RELL1: variants seen among roughly 807,000 people sequenced by gnomAD.
RELL1 encodes RELT like 1.
RELL1 carries 10 observed loss-of-function variants against 23.0 expected under a neutral mutation model. That is an observed-to-expected ratio of 0.43 (90% confidence interval 0.27 to 0.74). The LOEUF (loss-of-function observed/expected upper bound fraction) is 0.74, where lower values mean the gene tolerates loss of function less well. Among genes scored for constraint, RELL1 ranks in the 30% least tolerant of loss-of-function variants. The pLI, the probability that RELL1 is intolerant of heterozygous loss-of-function variation, is 0.19. For synonymous variants in RELL1, 146 were observed against 146.8 expected, an observed-to-expected ratio of 0.99 and a Z score of 0.04; for missense variants, 315 against 364.4, an observed-to-expected ratio of 0.86 and a Z score of 1.10.
Position 37,685,796 on chromosome 4 carries a change from G to T in RELL1, c.88+404C>A, listed in dbSNP as rs546702596. ...AGAAGGAGGCGCCGACAGCGCACCC[G>T]GTGCTCTGTGTCACGATCTTCCGCT... On this transcript the variant is annotated intron_variant, in intron 1 of 6. Coordinates refer to ENST00000454158, the MANE Select transcript of RELL1 (RefSeq NM_001085400.2). Among the ~76,000 whole-genome samples, 9 of 152,360 alleles carry T rather than the reference G, an allele frequency of 5.9e-5. No homozygotes were observed. In the South Asian group the frequency reaches 1.7e-3, roughly 28 times the overall value.
rs56999406 is a variant in RELL1 at position 37,665,607 on chromosome 4, C to G, written c.89-16107G>C. ...ATGTATATTCCTTGCAAGAGGCCAA[C>G]CAAGAACTAGGTTAGAAATTATTTA... On this transcript the variant is annotated intron_variant, in intron 1 of 6. Transcript: ENST00000454158. Among the ~76,000 whole-genome samples, 1,239 of 152,246 alleles carry G rather than the reference C, an allele frequency of 8.1e-3. 23 individuals are homozygous for G. Among genetic ancestry groups the G allele is most frequent in the African/African-American group, 0.028 (1,178 of 41,520 alleles).
intron 5 of RELL1, among the ~76,000 whole-genome samples, chr4:37,633,208 AG>A (rs1426590515): frequency 6.6e-6 from 1 of 152,102 alleles, no homozygotes; most frequent in African/African-American, 2.4e-5. Flanking sequence ...CAGGAGTTCG[AG>A]ACCAGCCTGG....
intron 6 of RELL1, among the ~76,000 whole-genome samples, chr4:37,596,877 T>C (rs1229469578): frequency 1.3e-5 from 2 of 148,776 alleles, no homozygotes; most frequent in Admixed American, 1.4e-4. Flanking sequence ...GCCTCCCACG[T>C]AGCTGGAATT....
Position 37,642,329 on chromosome 4 carries a change from G to A in RELL1, c.386-3825C>T, listed in dbSNP as rs1276279952. 2.0e-5 allele frequency among the ~76,000 whole-genome samples: 3 copies of A among 152,194 alleles called. No individual in the cohort carries two copies. In the East Asian group the frequency reaches 5.8e-4, roughly 29 times the overall value. On this transcript the variant is annotated intron_variant, in intron 3 of 6. Transcript: ENST00000454158. ...TACTCCCTGCAATTTTTACTAAGCAGCCAGTTCAAGGGCCTAGCAGAGGAA... is the reference window on the plus strand; with the variant it reads ...TACTCCCTGCAATTTTTACTAAGCAACCAGTTCAAGGGCCTAGCAGAGGAA...
intron 6 of RELL1, among the ~76,000 whole-genome samples, chr4:37,596,765 T>TTTTTTTTTTTTG (rs1718873924): frequency 9.2e-6 from 1 of 109,128 alleles, no homozygotes; most frequent in Non-Finnish European, 1.8e-5. Flanking sequence ...TTTTTTTTTT[T>TTTTTTTTTTTTG]GAGATGGAGA....
intron 6 of RELL1, among the ~76,000 whole-genome samples, chr4:37,602,001 C>T (rs1373174526): frequency 6.6e-6 from 1 of 151,978 alleles, no homozygotes; most frequent in East Asian, 1.9e-4. Context: ...ATCGTTTGAG[C>T]TCAGGAGTTC....
chr4:37,640,360 A>G (rs945309448), intron 3 of RELL1, among the ~76,000 whole-genome samples: 14 of 152,248 alleles, frequency 9.2e-5, no homozygotes, highest in East Asian at 5.8e-4. Flanking sequence ...TCCCTCTGTA[A>G]AACACATTTA....
At chr4:37,632,978 G>A (rs1385617974) in intron 5 of RELL1, among the ~76,000 whole-genome samples, 2 of 152,110 alleles carry the variant, frequency 1.3e-5, no homozygotes, top group South Asian at 4.1e-4. Context: ...GAAATAACAG[G>A]GAAACTGTAA....
chr4:37,683,395 A>G (rs1560364294), intron 1 of RELL1, among the ~76,000 whole-genome samples: 1 of 152,242 alleles, frequency 6.6e-6, no homozygotes, highest in South Asian at 2.1e-4. Flanking sequence ...CCAGTTGTTT[A>G]ACCTCTCTTG....
rs1380021924 is a variant in RELL1, at chr4:37,631,387, G to GCTA, written c.814_816dup. ...ATGTCACCAAAACCACGGCTCACCTGCTACTCTGTGCCACTGCGTTCTCTC... is the reference window on the plus strand; with the variant it reads ...ATGTCACCAAAACCACGGCTCACCTGCTACTACTCTGTGCCACTGCGTTCTCTC... On this transcript the variant is annotated 3_prime_UTR_variant, in exon 6 of 7. Coordinates refer to ENST00000454158, the MANE Select transcript of RELL1 (RefSeq NM_001085400.2). The GCTA allele has an allele frequency of 5.6e-6, 9 of 1,612,648 alleles. No homozygotes were observed. In the African/African-American group the frequency reaches 1.2e-4, roughly 22 times the overall value.
rs1560324122 is a variant in RELL1 at position 37,604,930 on chromosome 4, CACAG to C, written c.*4-13717_*4-13714del. 5.2e-3 allele frequency among the ~76,000 whole-genome samples: 319 copies of C among 61,064 alleles called. 27 individuals are homozygous for C. Among genetic ancestry groups the C allele is most frequent in the Middle Eastern group, 0.015 (2 of 134 alleles). 40.1% of individuals were successfully genotyped at this position (61,064 alleles called of 152,430 possible). A position where few individuals can be genotyped will look rare whatever the true frequency, so the allele number is the denominator to read the frequency against. On this transcript the variant is annotated intron_variant, in intron 6 of 6. Coordinates refer to the RELL1 transcript ENST00000314117. ...ACACACACACACACAGACACACACACACAGACACACACATACACACACAGAGACA... is the reference window on the plus strand; with the variant it reads ...ACACACACACACACAGACACACACACACACACACATACACACACAGAGACA...
In RELL1 at chr4:37,668,367, C is replaced by T. The variant is rs564140999; in HGVS notation, c.88+17833G>A. Among the ~76,000 whole-genome samples the T allele has an allele frequency of 3.1e-3, 473 of 152,312 alleles. 1 individual carries two copies. The highest frequency in any genetic ancestry group is 4.2e-3 in the Non-Finnish European group (286 of 68,026). ...AGTGCCTGCGATTGTAGGCCCGCGCCGCCACGCCTGACTGGTTTTCGTATT... is the reference window on the plus strand; with the variant it reads ...AGTGCCTGCGATTGTAGGCCCGCGCTGCCACGCCTGACTGGTTTTCGTATT... On this transcript the variant is annotated intron_variant, in intron 1 of 6. Coordinates refer to ENST00000454158, the MANE Select transcript of RELL1 (RefSeq NM_001085400.2).
downstream of RELL1, chr4:37,588,960 T>C: frequency 8.0e-7 from 1 of 1,244,842 alleles, no homozygotes; most frequent in Non-Finnish European, 1.2e-6. Context: ...GGGGTCACTT[T>C]TAAAGACCAT....
In RELL1 at chr4:37,649,278, A is replaced by G. The variant is rs769889191; in HGVS notation, c.311T>C (p.Ile104Thr). The G allele has an allele frequency of 2.5e-6, 4 of 1,612,768 alleles. No homozygotes were observed. Among genetic ancestry groups the G allele is most frequent in the South Asian group, 2.2e-5 (2 of 90,924 alleles). Reference sequence around the variant, plus strand: ...TAAAAAGAGCCCTGGTTATTTACCTATCTTTTCAACCTTTTCCTCTTCGAT... The same window carrying G: ...TAAAAAGAGCCCTGGTTATTTACCTGTCTTTTCAACCTTTTCCTCTTCGAT... The part of the protein sequence containing the change: ...QDIEEEKVEK[I>T]ELNDSVNENS... The change falls in exon 2 of 7, where the codon ATA becomes ACA. Residue 104 changes from isoleucine to threonine, a missense_variant and splice_region_variant. Physicochemically the swap from Ile to Thr is moderately conservative, Grantham distance 89. Coordinates refer to ENST00000454158, the MANE Select transcript of RELL1 (RefSeq NM_001085400.2).
intron 3 of RELL1, among the ~76,000 whole-genome samples, chr4:37,639,142 T>G (rs987755947): frequency 3.0e-4 from 45 of 152,128 alleles, no homozygotes; most frequent in African/African-American, 1.0e-3. Flanking sequence ...CCCAGCACTT[T>G]GGGAAGCCGA....
intron 6 of RELL1, among the ~76,000 whole-genome samples, chr4:37,629,921 C>A (rs1299148804): frequency 6.6e-6 from 1 of 152,198 alleles, no homozygotes; most frequent in Non-Finnish European, 1.5e-5. Context: ...CCTGCCTTCA[C>A]ACGTGCAACT....
intron 6 of RELL1, among the ~76,000 whole-genome samples, chr4:37,600,937 G>A (rs1005616439): frequency 1.3e-5 from 2 of 152,112 alleles, no homozygotes; most frequent in Non-Finnish European, 2.9e-5. Flanking sequence ...ATTAACTTAG[G>A]AATGAAAATA....
chr4:37,604,794 C>G (rs1178669464), intron 6 of RELL1, among the ~76,000 whole-genome samples: 5 of 86,440 alleles, frequency 5.8e-5, no homozygotes, highest in African/African-American at 2.2e-4. Context: ...CAGACACACA[C>G]ACAGACACAC....
chr4:37,589,254 C>T (rs1718473622), downstream of RELL1, among the ~76,000 whole-genome samples: 2 of 152,252 alleles, frequency 1.3e-5, no homozygotes, highest in African/African-American at 2.4e-5. Context: ...TTGTGAGTAA[C>T]GTGAACATAA....
Sources: gnomAD v4.1 joint callset for allele counts (sites outside exome capture counted in the v4.1 genomes callset) on GRCh38, gnomAD v4.1.1 for gene constraint, MANE v1.5 for transcripts, NCBI Gene and HGNC (gene_info 2026-07-23, HGNC 2026-07-21) for gene names.